Variants in NCOA7 observed in about 807,000 individuals in gnomAD.
NCOA7 encodes 140 kDa estrogen receptor-associated protein.
A neutral mutation model predicts 104.3 loss-of-function variants in NCOA7; 45 were observed. The ratio of observed to expected loss-of-function variants is 0.43; its 90% confidence interval spans 0.34 to 0.55. NCOA7 has a LOEUF of 0.55. NCOA7 is among the 20% of genes least tolerant of loss of function. The probability of loss-of-function intolerance (pLI) is 0.02; values close to 1 mark genes in which losing one functional copy is unlikely to be tolerated. For missense variants in NCOA7, 1,041 were observed against 1,119.7 expected (o/e 0.93, Z 1.00); for synonymous variants, 398 against 402.3 (o/e 0.99, Z 0.13).
chr6:125,863,928 G>A lies in NCOA7; in HGVS notation c.271+8688G>A, dbSNP rs770188597. 6.2e-4 allele frequency among the ~76,000 whole-genome samples: 86 copies of A among 137,718 alleles called. 16 individuals carry two copies. The highest frequency in any genetic ancestry group is 8.8e-4 in the Non-Finnish European group (57 of 64,870). The allele number at this position is 137,718 out of a possible 152,430, so 90.3% of individuals were successfully genotyped here. Reference sequence around the variant, plus strand: ...TTTTCCTAATACCACACACTTGTGGGTGAGGATTTCAACATATGAATTTTG... The same window carrying A: ...TTTTCCTAATACCACACACTTGTGGATGAGGATTTCAACATATGAATTTTG... On this transcript the variant is annotated intron_variant, in intron 3 of 15. Coordinates refer to ENST00000392477, the MANE Select transcript of NCOA7 (RefSeq NM_181782.5).
chr6:125,919,543 C>G (rs1787388200), intron 11 of NCOA7: 1 of 1,047,194 alleles, frequency 9.5e-7, no homozygotes, highest in African/African-American at 1.6e-5. Flanking sequence ...GCTGACATTT[C>G]TACCAGCAGG....
rs141548167 is a variant in NCOA7 at position 125,878,994 on chromosome 6, G to T, written c.459+624G>T. 1.9e-4 allele frequency among the ~76,000 whole-genome samples: 29 copies of T among 152,260 alleles called. 3 individuals are homozygous for T. The East Asian group carries it at 5.6e-3, about 29-fold the overall frequency. On this transcript the variant is annotated intron_variant, in intron 5 of 15. Coordinates refer to ENST00000392477, the MANE Select transcript of NCOA7 (RefSeq NM_181782.5). The stretch of plus-strand genomic sequence containing the variant: ...TGACATTTGGAATGTTCAGACAATT[G>T]AATCGCAATCTATGTTACCTAATAC...
rs1788285168 is a variant in NCOA7 at position 125,928,913 on chromosome 6, C to T, written c.*142C>T. 4 of 870,996 alleles carry T rather than the reference C, an allele frequency of 4.6e-6. No individual in the cohort carries two copies. Among genetic ancestry groups the T allele is most frequent in the Non-Finnish European group, 6.8e-6 (4 of 589,584 alleles). The allele number at this position is 870,996 out of a possible 1,614,324, so 54.0% of individuals were successfully genotyped here. A position where few individuals can be genotyped will look rare whatever the true frequency, so the allele number is the denominator to read the frequency against. ...TTCTGCCATCATCTCAGAGCATGAT[C>T]ACATTGCAGAAAGATTCTGGAAGGT... On this transcript the variant is annotated 3_prime_UTR_variant, in exon 16 of 16. Coordinates refer to ENST00000392477, the MANE Select transcript of NCOA7 (RefSeq NM_181782.5).
At chr6:125,797,770 G>A (rs1419387340) in intron 1 of NCOA7, 4 of 152,206 alleles carry the variant, frequency 2.6e-5, no homozygotes, top group African/African-American at 9.7e-5. Flanking sequence ...GTTTACAGCT[G>A]AGCCCTCATC....
chr6:125,784,026 T>C (rs565223726), intron 1 of NCOA7, among the ~76,000 whole-genome samples: 3 of 152,356 alleles, frequency 2.0e-5, no homozygotes, highest in African/African-American at 7.2e-5. Context: ...TGGAACAACA[T>C]AATTTAACAT....
At chr6:125,832,180 C>T (rs1232880530) in intron 2 of NCOA7, among the ~76,000 whole-genome samples, 9 of 152,162 alleles carry the variant, frequency 5.9e-5, no homozygotes, top group Admixed American at 5.2e-4. Context: ...TCCAAATCTA[C>T]AAAATTTCTA....
rs1423389959 is a variant in NCOA7 at position 125,886,457 on chromosome 6, TAGAC to T, written c.884+1117_884+1120del. Among the ~76,000 whole-genome samples the T allele has an allele frequency of 3.9e-5, 6 of 152,336 alleles. No homozygotes were observed. The South Asian group carries it at 6.2e-4, about 16-fold the overall frequency. On this transcript the variant is annotated intron_variant, in intron 8 of 15. Transcript: ENST00000392477. ...GGATATTAAGTATTCTATTTAATAA[TAGAC>T]AGTACATCTTTATATAAAAACTTCT...
chr6:125,921,746 A>G (rs1434836001), intron 12 of NCOA7, among the ~76,000 whole-genome samples: 1 of 152,246 alleles, frequency 6.6e-6, no homozygotes, highest in East Asian at 1.9e-4. Context: ...ATAGGGCTCA[A>G]TAAAAGTAAT....
At chr6:125,857,393 A>G (rs1360660710) in intron 3 of NCOA7, among the ~76,000 whole-genome samples, 1 of 151,512 alleles carries the variant, frequency 6.6e-6, no homozygotes, top group East Asian at 1.9e-4. Flanking sequence ...ATATGACACC[A>G]CACTCAGCTA....
At chr6:125,922,581 A>G in intron 12 of NCOA7, 101 bp from the exon 13 acceptor site, 2 of 1,364,384 alleles carry the variant, frequency 1.5e-6, no homozygotes, top group South Asian at 1.3e-5. Flanking sequence ...ATGTGAGTGT[A>G]TGATACTGAG....
intron 2 of NCOA7, among the ~76,000 whole-genome samples, chr6:125,826,661 C>T (rs1039176992): frequency 2.0e-5 from 3 of 152,142 alleles, no homozygotes; most frequent in African/African-American, 7.2e-5. Flanking sequence ...TAAGCCCAGA[C>T]GGTAGATTGG....
chr6:125,878,583 C>T (rs768890855), intron 5 of NCOA7, among the ~76,000 whole-genome samples: 4 of 152,072 alleles, frequency 2.6e-5, no homozygotes, highest in Non-Finnish European at 4.4e-5. Flanking sequence ...CATCATGGCT[C>T]ACTGCAGCCT....
intron 12 of NCOA7, among the ~76,000 whole-genome samples, chr6:125,921,794 T>C (rs753921522): frequency 6.6e-5 from 10 of 152,212 alleles, no homozygotes. Context: ...GAAAAATACC[T>C]ACCTACAGGA....
upstream of NCOA7, among the ~76,000 whole-genome samples, chr6:125,789,516 T>C (rs1201148205): frequency 6.6e-6 from 1 of 152,212 alleles, no homozygotes; most frequent in Non-Finnish European, 1.5e-5. Flanking sequence ...TACAATGCAA[T>C]CAGCTCTTTA....
chr6:125,821,640 T>C lies in NCOA7; in HGVS notation c.50+6236T>C, dbSNP rs188391364. ...TTTATAACTTGACAACATCCCATAA[T>C]CCATGTCTTATCAACTTATTCATCT... On this transcript the variant is annotated intron_variant, in intron 2 of 15. Coordinates refer to ENST00000392477, the MANE Select transcript of NCOA7 (RefSeq NM_181782.5). Among the ~76,000 whole-genome samples the C allele has an allele frequency of 3.2e-3, 489 of 152,282 alleles. 3 individuals carry two copies. Among genetic ancestry groups the C allele is most frequent in the African/African-American group, 0.011 (470 of 41,532 alleles).
intron 2 of NCOA7, among the ~76,000 whole-genome samples, chr6:125,843,112 C>A (rs1732424648): frequency 1.3e-5 from 2 of 152,138 alleles, no homozygotes; most frequent in South Asian, 2.1e-4. Context: ...CCAAAGAGAT[C>A]TTGCAGATGT....
At chr6:125,799,883 T>A (rs758663455) in intron 1 of NCOA7, among the ~76,000 whole-genome samples, 2 of 152,224 alleles carry the variant, frequency 1.3e-5, no homozygotes, top group Non-Finnish European at 2.9e-5. Flanking sequence ...AGATAACGTA[T>A]GAGTGTTCTG....
chr6:125,912,293 T>A (rs1786636906), intron 10 of NCOA7, among the ~76,000 whole-genome samples: 1 of 152,154 alleles, frequency 6.6e-6, no homozygotes, highest in African/African-American at 2.4e-5. Context: ...GTAAGGAAAA[T>A]TTTGGGGGCC....
chr6:125,862,020 A>T, intron 3 of NCOA7, among the ~76,000 whole-genome samples: 1 of 112,692 alleles, frequency 8.9e-6, no homozygotes, highest in African/African-American at 4.0e-5. Context: ...CTGGGCAACA[A>T]GAGTGAAACT....
Sources: allele counts gnomAD v4.1 joint callset (sites outside exome capture counted in the v4.1 genomes callset), GRCh38; gene constraint gnomAD v4.1.1; transcripts MANE v1.5; gene names NCBI Gene and HGNC (gene_info 2026-07-23, HGNC 2026-07-21).